UBE2E2: variants seen among roughly 807,000 people sequenced by gnomAD.
The protein encoded by UBE2E2 is ubiquitin conjugating enzyme E2 E2, also known as ubiquitin-conjugating enzyme E2 E2.
A neutral mutation model predicts 24.7 loss-of-function variants in UBE2E2; 6 were observed. The ratio of observed to expected loss-of-function variants is 0.24; its 90% confidence interval spans 0.13 to 0.48. The LOEUF is 0.48. Ranked by LOEUF, UBE2E2 falls within the 20% of genes least tolerant of loss-of-function variation. The pLI is 0.99. For missense variants in UBE2E2, 169 were observed against 245.0 expected (o/e 0.69, Z 2.07); for synonymous variants, 104 against 83.6 (o/e 1.24, Z -1.33).
chr3:23,370,882 G>C (rs1337998489), intron 3 of UBE2E2, among the ~76,000 whole-genome samples: 1 of 152,184 alleles, frequency 6.6e-6, no homozygotes, highest in Non-Finnish European at 1.5e-5. Flanking sequence ...GAAATGGGAA[G>C]AGAGTAGAAG....
intron 3 of UBE2E2, among the ~76,000 whole-genome samples, chr3:23,432,016 A>G (rs1698072761): frequency 6.6e-6 from 1 of 152,196 alleles, no homozygotes; most frequent in Admixed American, 6.5e-5. Flanking sequence ...CATGTAGGCA[A>G]ACGCTACTAG....
At chr3:23,441,496 G>A (rs150907305) in intron 3 of UBE2E2, among the ~76,000 whole-genome samples, 4,226 of 140,438 alleles carry the variant, frequency 0.03, 88 homozygotes, top group Middle Eastern at 0.043. Flanking sequence ...CCGAGATCGC[G>A]CCACTGCACT....
At chr3:23,562,861 G>A (rs543224894) in intron 5 of UBE2E2, among the ~76,000 whole-genome samples, 1 of 152,178 alleles carries the variant, frequency 6.6e-6, no homozygotes. Flanking sequence ...TTGCATAGAG[G>A]TGTTTATAGT....
At chr3:23,419,982 T>C (rs962047946) in intron 3 of UBE2E2, among the ~76,000 whole-genome samples, 2 of 152,174 alleles carry the variant, frequency 1.3e-5, no homozygotes, top group Admixed American at 6.5e-5. Flanking sequence ...TGCCTACTAC[T>C]GGTGGGCTGC....
chr3:23,327,821 G>C (rs1385584845), intron 3 of UBE2E2, among the ~76,000 whole-genome samples: 1 of 152,142 alleles, frequency 6.6e-6, no homozygotes, highest in Non-Finnish European at 1.5e-5. Flanking sequence ...TTAGGAGTTG[G>C]TGTTGTCTAG....
intron 3 of UBE2E2, among the ~76,000 whole-genome samples, chr3:23,304,527 A>T (rs1307208764): frequency 6.6e-6 from 1 of 152,188 alleles, no homozygotes; most frequent in African/African-American, 2.4e-5. Flanking sequence ...CAGTTTTGCC[A>T]GTCTCTTAAT....
intron 5 of UBE2E2, among the ~76,000 whole-genome samples, chr3:23,573,817 A>G (rs1328935541): frequency 1.3e-5 from 2 of 152,156 alleles, no homozygotes; most frequent in Admixed American, 6.6e-5. Flanking sequence ...ATGGGTTACT[A>G]TTCATGGAGA....
intron 3 of UBE2E2, among the ~76,000 whole-genome samples, chr3:23,497,643 TAAG>T (rs1699631506): frequency 6.6e-6 from 1 of 152,220 alleles, no homozygotes; most frequent in African/African-American, 2.4e-5. Flanking sequence ...TGGTAGTAAA[TAAG>T]AAAAACTAAT....
At chr3:23,306,599 A>C (rs1169664541) in intron 3 of UBE2E2, among the ~76,000 whole-genome samples, 1 of 152,146 alleles carries the variant, frequency 6.6e-6, no homozygotes, top group Non-Finnish European at 1.5e-5. Flanking sequence ...TTATACTGCA[A>C]ATGTCGATAT....
intron 3 of UBE2E2, among the ~76,000 whole-genome samples, chr3:23,368,584 T>G (rs1696319543): frequency 6.6e-6 from 1 of 152,220 alleles, no homozygotes; most frequent in South Asian, 2.1e-4. Context: ...AAAATTGGAA[T>G]AGCCCACAGT....
intron 4 of UBE2E2, among the ~76,000 whole-genome samples, chr3:23,509,265 C>T (rs1287123860): frequency 6.6e-6 from 1 of 152,132 alleles, no homozygotes; most frequent in African/African-American, 2.4e-5. Context: ...CAGGAAAGGG[C>T]TTTTATGGAA....
At chr3:23,488,871 G>C (rs1699437176) in intron 3 of UBE2E2, among the ~76,000 whole-genome samples, 1 of 152,208 alleles carries the variant, frequency 6.6e-6, no homozygotes, top group Non-Finnish European at 1.5e-5. Flanking sequence ...GTACAGATAA[G>C]AGAGGCTATT....
At chr3:23,570,102 A>G (rs1020447298) in intron 5 of UBE2E2, among the ~76,000 whole-genome samples, 2 of 152,134 alleles carry the variant, frequency 1.3e-5, no homozygotes, top group African/African-American at 4.8e-5. Flanking sequence ...TTTAAATCTA[A>G]TATCTTCTTT....
chr3:23,554,751 C>G (rs1695734007), intron 5 of UBE2E2, among the ~76,000 whole-genome samples: 1 of 152,040 alleles, frequency 6.6e-6, no homozygotes, highest in East Asian at 1.9e-4. Context: ...CAAAACTTCT[C>G]CACAGCAAAA....
intron 3 of UBE2E2, among the ~76,000 whole-genome samples, chr3:23,382,178 A>T (rs1396967115): frequency 1.9e-4 from 21 of 110,808 alleles, no homozygotes; most frequent in South Asian, 2.9e-4. Flanking sequence ...GAATACTTTA[A>T]TTTTTTTTTT....
In UBE2E2 at chr3:23,324,792, T is replaced by A. The variant is rs556484934; in HGVS notation, c.227+107480T>A. 1.1e-3 allele frequency among the ~76,000 whole-genome samples: 169 copies of A among 147,816 alleles called. 1 individual carries two copies. Among genetic ancestry groups the A allele is most frequent in the Non-Finnish European group, 1.9e-3 (125 of 66,720 alleles). ...CACACCTCTCTTGGAGAAAAGAATT[T>A]AAAAAAAAAAAACCTAAATGGATTC... On this transcript the variant is annotated intron_variant, in intron 3 of 5. Transcript: ENST00000396703.
intron 3 of UBE2E2, among the ~76,000 whole-genome samples, chr3:23,317,622 T>G (rs1321527060): frequency 2.0e-5 from 3 of 152,140 alleles, no homozygotes; most frequent in Non-Finnish European, 4.4e-5. Context: ...ACATTTTAAC[T>G]TGAATGGCAG....
intron 3 of UBE2E2, among the ~76,000 whole-genome samples, chr3:23,301,221 T>C (rs995890306): frequency 6.6e-6 from 1 of 152,218 alleles, no homozygotes; most frequent in Non-Finnish European, 1.5e-5. Flanking sequence ...TCTTTGCTAT[T>C]GTTTCGTATT....
At chr3:23,528,543 T>C (rs1239427016) in intron 4 of UBE2E2, among the ~76,000 whole-genome samples, 1 of 152,186 alleles carries the variant, frequency 6.6e-6, no homozygotes. Context: ...CTCCGCCTTT[T>C]TACTTTGTTT....
Sources: allele counts gnomAD v4.1 joint callset (sites outside exome capture counted in the v4.1 genomes callset), GRCh38; gene constraint gnomAD v4.1.1; transcripts MANE v1.5; gene names NCBI Gene and HGNC (gene_info 2026-07-23, HGNC 2026-07-21).